Variants in PDZD2 observed in about 807,000 individuals in gnomAD.
The protein encoded by PDZD2 is PDZ domain containing 2, also known as PDZ domain-containing protein 2.
Under a neutral mutation model 220.7 loss-of-function variants are expected in PDZD2, and 90 were observed. The ratio of observed to expected loss-of-function variants is 0.41; its 90% CI spans 0.34 to 0.49. PDZD2 has a LOEUF of 0.49. PDZD2 is among the 20% of genes least tolerant of loss of function. The probability of loss-of-function intolerance (pLI) is 0.28; values close to 1 mark genes in which losing one functional copy is unlikely to be tolerated. For missense variants in PDZD2, 3,174 were observed against 3,608.5 expected (o/e 0.88, Z 3.08); for synonymous variants, 1,375 against 1,450.5 (o/e 0.95, Z 1.18).
intron 18 of PDZD2, among the ~76,000 whole-genome samples, chr5:32,075,958 A>G (rs1196633930): frequency 6.6e-6 from 1 of 152,200 alleles, no homozygotes; most frequent in Admixed American, 6.5e-5. Context: ...GTGTTTTAAA[A>G]TATAATGTTT....
chr5:31,687,003 AG>A (rs1026838922), intron 1 of PDZD2, among the ~76,000 whole-genome samples: 23 of 152,184 alleles, frequency 1.5e-4, no homozygotes, highest in African/African-American at 4.8e-4. Context: ...GAGCCTAAAG[AG>A]GACCCCAACG....
chr5:31,809,777 T>G lies in PDZD2; in HGVS notation c.476+10053T>G, dbSNP rs997863429. Among the ~76,000 whole-genome samples the G allele has an allele frequency of 3.3e-5, 5 of 152,296 alleles. No individual in the cohort carries two copies. In the East Asian group the frequency reaches 9.7e-4, roughly 29 times the overall value. On this transcript the variant is annotated intron_variant, in intron 2 of 24. Coordinates refer to ENST00000438447, the MANE Select transcript of PDZD2 (RefSeq NM_178140.4). ...GCTTTTCAGGGTCCACTTGTTTTTA[T>G]GAGGGAAGAGATTCCATAAAAAGAG...
intron 1 of PDZD2, among the ~76,000 whole-genome samples, chr5:31,739,212 G>T (rs1281702867): frequency 6.6e-6 from 1 of 152,156 alleles, no homozygotes; most frequent in Non-Finnish European, 1.5e-5. Context: ...AATGTAAGTG[G>T]CTACTGCCTT....
At chr5:31,884,013 G>A (rs7716654) in intron 2 of PDZD2, among the ~76,000 whole-genome samples, 20,020 of 152,192 alleles carry the variant, frequency 0.13, 4,330 homozygotes, top group African/African-American at 0.45. Flanking sequence ...AGGAGCTTGA[G>A]TCCAGCCTGG....
chr5:32,032,356 A>G (rs1183376622), intron 6 of PDZD2, among the ~76,000 whole-genome samples: 9 of 152,070 alleles, frequency 5.9e-5, no homozygotes. Flanking sequence ...AGCCCCTGAG[A>G]ATCTGCCTCG....
At chr5:31,773,708 G>A (rs1752471151) in intron 1 of PDZD2, among the ~76,000 whole-genome samples, 1 of 152,164 alleles carries the variant, frequency 6.6e-6, no homozygotes, top group South Asian at 2.1e-4. Flanking sequence ...GAGACAGAGA[G>A]AGGGAGACAG....
chr5:32,050,211 G>A (rs537522320), intron 8 of PDZD2, among the ~76,000 whole-genome samples: 3 of 152,290 alleles, frequency 2.0e-5, no homozygotes, highest in South Asian at 2.1e-4. Flanking sequence ...GATTACAGGC[G>A]TGAGCCACCG....
intron 2 of PDZD2, among the ~76,000 whole-genome samples, chr5:31,875,067 TCTTG>T (rs1376880613): frequency 2.0e-5 from 3 of 152,342 alleles, no homozygotes; most frequent in East Asian, 3.9e-4. Context: ...ATGTATCACG[TCTTG>T]CTTTTTATGC....
rs1742965510 is a variant in PDZD2, at chr5:32,090,189, G to A, written c.6741G>A (p.Arg2247=). The A allele has an allele frequency of 6.2e-7, 1 of 1,613,950 alleles. No homozygotes were observed. Among genetic ancestry groups the A allele is most frequent in the Admixed American group, 1.7e-5 (1 of 59,998 alleles). The change falls in exon 20 of 25, where the codon CGG becomes CGA. Residue 2247 remains arginine, a synonymous_variant. Coordinates refer to ENST00000438447, the MANE Select transcript of PDZD2 (RefSeq NM_178140.4). This position sits in a 1 kb window ranked among gnomAD's most constrained non-coding sequence, Gnocchi z 4.3. ...GHPPHSLGRS[R]DSQVPVTSSV... is the part of the protein sequence containing the mutation. The stretch of plus-strand genomic sequence containing the variant: ...CCCCACACAGCCTGGGTCGCTCTCG[G>A]GACAGCCAGGTCCCTGTGACAAGCA...
At chr5:32,027,289 G>A (rs1754748054) in intron 6 of PDZD2, among the ~76,000 whole-genome samples, 1 of 152,094 alleles carries the variant, frequency 6.6e-6, no homozygotes, top group South Asian at 2.1e-4. Flanking sequence ...ACTGCAAGAG[G>A]GTCAGTTACA....
intron 2 of PDZD2, among the ~76,000 whole-genome samples, chr5:31,837,814 TAG>T (rs1580858646): frequency 6.6e-6 from 1 of 151,972 alleles, no homozygotes; most frequent in African/African-American, 2.4e-5. Context: ...CTGAGCCCAA[TAG>T]GTAGAGGCTG....
rs530443050 is a variant in PDZD2 at position 31,936,382 on chromosome 5, A to G, written c.477-46773A>G. On this transcript the variant is annotated intron_variant, in intron 2 of 24. Transcript: ENST00000438447. Reference sequence around the variant, plus strand: ...AGACCTGAGTGGTGAAGAGAATCACATTTTCTCTCTGAACACAACTTACAG... The same window carrying G: ...AGACCTGAGTGGTGAAGAGAATCACGTTTTCTCTCTGAACACAACTTACAG... 6.8e-4 allele frequency: 661 copies of G among 975,580 alleles called. 1 individual carries two copies. The highest frequency in any genetic ancestry group is 7.8e-4 in the Non-Finnish European group (640 of 820,348). 60.4% of individuals were successfully genotyped at this position (975,580 alleles called of 1,614,324 possible). A position where few individuals can be genotyped will look rare whatever the true frequency, so the allele number is the denominator to read the frequency against.
chr5:31,764,912 A>T (rs890048285), intron 1 of PDZD2, among the ~76,000 whole-genome samples: 1 of 152,184 alleles, frequency 6.6e-6, no homozygotes, highest in Non-Finnish European at 1.5e-5. Flanking sequence ...CCCTGTATCT[A>T]CTAAAAATAC....
At chr5:32,047,823 C>T (rs1020822829) in intron 7 of PDZD2, among the ~76,000 whole-genome samples, 11 of 152,150 alleles carry the variant, frequency 7.2e-5, no homozygotes, top group Admixed American at 2.6e-4. Flanking sequence ...CATGCAATAC[C>T]GTGGTTGAAT....
rs900521283 is a variant in PDZD2, at chr5:31,988,173, C to T, written c.978+4517C>T. On this transcript the variant is annotated intron_variant, in intron 3 of 24. Coordinates refer to ENST00000438447, the MANE Select transcript of PDZD2 (RefSeq NM_178140.4). ...CACATAGGTGCACAACATACATGTG[C>T]ATGCACACACACGCACACTGTAGCT... 2.6e-5 allele frequency among the ~76,000 whole-genome samples: 4 copies of T among 152,182 alleles called. No homozygotes were observed. In the East Asian group the frequency reaches 7.7e-4, roughly 29 times the overall value.
At chr5:32,024,305 A>G (rs1333063462) in intron 6 of PDZD2, among the ~76,000 whole-genome samples, 4 of 152,326 alleles carry the variant, frequency 2.6e-5, no homozygotes, top group African/African-American at 9.6e-5. Flanking sequence ...CAAGCCGCAA[A>G]AGTTACAGCC....
chr5:32,084,259 A>G (rs1044985312), intron 19 of PDZD2, among the ~76,000 whole-genome samples: 2 of 152,180 alleles, frequency 1.3e-5, no homozygotes, highest in East Asian at 3.9e-4. Flanking sequence ...GGCTCTCCAC[A>G]CAGAGGCCAC....
chr5:31,845,231 C>G (rs1437432870), intron 2 of PDZD2, among the ~76,000 whole-genome samples: 1 of 152,230 alleles, frequency 6.6e-6, no homozygotes, highest in Non-Finnish European at 1.5e-5. Context: ...ATCCTAGACA[C>G]TCAGCCTCTC....
At chr5:32,035,636 A>G (rs773495147) in intron 6 of PDZD2, among the ~76,000 whole-genome samples, 15 of 152,150 alleles carry the variant, frequency 9.9e-5, no homozygotes, top group African/African-American at 3.1e-4. Flanking sequence ...GTACCCAGCT[A>G]TATACTGAAT....
Sources: allele counts gnomAD v4.1 joint callset (sites outside exome capture counted in the v4.1 genomes callset), GRCh38; gene constraint gnomAD v4.1.1; non-coding constraint Gnocchi (gnomAD v3.1); transcripts MANE v1.5; gene names NCBI Gene and HGNC (gene_info 2026-07-23, HGNC 2026-07-21).